The following LANCL1 variants were observed in gnomAD, a reference collection of about 807,000 sequenced individuals.
LANCL1 encodes the protein glutathione S-transferase LANCL1.
LANCL1 carries 50 observed loss-of-function variants against 50.6 expected under a neutral mutation model. The observed-to-expected ratio is 0.99, with a 90% confidence interval of 0.79 to 1.25. The LOEUF (loss-of-function observed/expected upper bound fraction) is 1.25. Ranked by LOEUF, LANCL1 falls within the 50% of genes most tolerant of loss-of-function variation. The pLI is 0.00. For synonymous variants in LANCL1, 188 were observed against 178.6 expected (o/e 1.05, Z -0.42); for missense variants, 532 against 480.7 (o/e 1.11, Z -1.00).
Position 210,455,226 on chromosome 2 carries a change from C to A in LANCL1, c.288G>T (p.Leu96=). Residue 96 remains leucine, a synonymous_variant, in exon 4 of 10, where the codon CTG becomes CTT. Coordinates refer to ENST00000450366, the MANE Select transcript of LANCL1 (RefSeq NM_006055.3). ...QLAHGYVKQS[L]NCLTKRSITF... is the part of the protein sequence containing the mutation. ...TGATGGAGCGCTTGGTTAAGCAGTT[C>A]AGACTTTGCTTTACATAGCCATGTG... The A allele has an allele frequency of 1.2e-6, 2 of 1,612,746 alleles. No homozygotes were observed. Among genetic ancestry groups the A allele is most frequent in the Non-Finnish European group, 1.7e-6 (2 of 1,179,716 alleles).
In LANCL1 at chr2:210,441,369, G is replaced by A; in HGVS notation, c.482C>T (p.Ala161Val). 1 of 1,613,204 alleles carries A rather than the reference G, an allele frequency of 6.2e-7. No individual in the cohort carries two copies. The highest frequency in any genetic ancestry group is 8.5e-7 in the Non-Finnish European group (1 of 1,179,332). ...AAAGTTCTTATTGACAAAAAGAAGA[G>A]CATAGATGTAGCCTATTCGCCCATA... ...MLYGRIGYIYALLFVNKNFGV... is the reference protein window; with the variant it reads ...MLYGRIGYIYVLLFVNKNFGV... The change falls in exon 5 of 10, where the codon GCT becomes GTT. Residue 161 changes from alanine to valine, a missense_variant. Transcript: ENST00000450366.
At chr2:210,445,618 A>G (rs1019818202) in intron 4 of LANCL1, among the ~76,000 whole-genome samples, 6 of 152,302 alleles carry the variant, frequency 3.9e-5, no homozygotes, top group Non-Finnish European at 8.8e-5. Flanking sequence ...ATTAAGATAT[A>G]AAAATAAAGA....
chr2:210,455,402 T>C lies in LANCL1; in HGVS notation c.200-88A>G, dbSNP rs994011481. ...CATGGTGTCTACTCAGCAGCGATTTTTGATAACCTGTAGCAAATTTATTAA... is the reference window on the plus strand; with the variant it reads ...CATGGTGTCTACTCAGCAGCGATTTCTGATAACCTGTAGCAAATTTATTAA... On this transcript the variant is annotated intron_variant, in intron 3 of 9. Coordinates refer to ENST00000450366, the MANE Select transcript of LANCL1 (RefSeq NM_006055.3). 12 of 1,078,010 alleles carry C rather than the reference T, an allele frequency of 1.1e-5. No individual in the cohort carries two copies. In the African/African-American group the frequency reaches 1.1e-4, roughly 10 times the overall value. The allele number at this position is 1,078,010 out of a possible 1,614,324, so 66.8% of individuals were successfully genotyped here.
chr2:210,451,150 T>C (rs1453973049), intron 4 of LANCL1, among the ~76,000 whole-genome samples: 2 of 151,996 alleles, frequency 1.3e-5, no homozygotes, highest in Non-Finnish European at 2.9e-5. Context: ...TATGCAGCCA[T>C]AAAAAAGGAT....
chr2:210,457,601 A>G (rs1337907785), intron 3 of LANCL1, among the ~76,000 whole-genome samples: 1 of 152,166 alleles, frequency 6.6e-6, no homozygotes, highest in African/African-American at 2.4e-5. Context: ...ATCAAAATAT[A>G]TATGTTCTTC....
At chr2:210,441,202 T>G in intron 5 of LANCL1, 106 bp downstream of exon 5, 1 of 1,148,074 alleles carries the variant, frequency 8.7e-7, no homozygotes, top group South Asian at 1.6e-5. Flanking sequence ...AGATACACCT[T>G]CCTTTATATG....
At chr2:210,459,697 C>T (rs1693785115) in intron 3 of LANCL1, among the ~76,000 whole-genome samples, 2 of 151,960 alleles carry the variant, frequency 1.3e-5, no homozygotes, top group Admixed American at 1.3e-4. Flanking sequence ...TGTCAGTTTA[C>T]CCTAAGAATT....
intron 3 of LANCL1, among the ~76,000 whole-genome samples, chr2:210,461,578 G>C (rs1205110790): frequency 6.6e-6 from 1 of 152,158 alleles, no homozygotes; most frequent in African/African-American, 2.4e-5. Context: ...CATTTAGAGT[G>C]CAAGTTAATA....
chr2:210,438,923 G>A (rs1437506570), intron 6 of LANCL1, among the ~76,000 whole-genome samples: 1 of 152,152 alleles, frequency 6.6e-6, no homozygotes, highest in East Asian at 1.9e-4. Context: ...AAGGTGTGGG[G>A]CATGTGGTGG....
intron 6 of LANCL1, among the ~76,000 whole-genome samples, chr2:210,440,099 C>T (rs1693081338): frequency 6.6e-6 from 1 of 152,190 alleles, no homozygotes; most frequent in African/African-American, 2.4e-5. Context: ...AACTGTAGGG[C>T]AGAGCATATT....
At chr2:210,454,524 C>A (rs1021280396) in intron 4 of LANCL1, among the ~76,000 whole-genome samples, 18 of 152,122 alleles carry the variant, frequency 1.2e-4, no homozygotes, top group African/African-American at 4.3e-4. Context: ...CGCAGTGGAG[C>A]CTAAGAGCGA....
rs1310055669 is a variant in LANCL1, at chr2:210,433,207, T to A, written c.*1280A>T. On this transcript the variant is annotated 3_prime_UTR_variant, in exon 10 of 10. Transcript: ENST00000450366. ...CAGGCAAAGGCAGTAATAGAAAGAGTAGAAGCTGATGAGTCAAAACACTTG... is the reference window on the plus strand; with the variant it reads ...CAGGCAAAGGCAGTAATAGAAAGAGAAGAAGCTGATGAGTCAAAACACTTG... The A allele has an allele frequency of 6.6e-6, 1 of 152,098 alleles. No homozygotes were observed. 9.4% of individuals were successfully genotyped at this position (152,098 alleles called of 1,614,324 possible).
chr2:210,467,631 A>G (rs1037679016), intron 3 of LANCL1, among the ~76,000 whole-genome samples: 21 of 152,214 alleles, frequency 1.4e-4, no homozygotes, highest in African/African-American at 4.1e-4. Flanking sequence ...CCTCAACAGC[A>G]AGCTATTAGT....
intron 4 of LANCL1, among the ~76,000 whole-genome samples, chr2:210,444,123 A>C (rs990909148): frequency 6.6e-6 from 1 of 152,204 alleles, no homozygotes; most frequent in Non-Finnish European, 1.5e-5. Flanking sequence ...GAACATACTC[A>C]GAAGGTAGGG....
intron 3 of LANCL1, among the ~76,000 whole-genome samples, chr2:210,465,412 C>G (rs909866737): frequency 1.3e-5 from 2 of 152,256 alleles, no homozygotes; most frequent in African/African-American, 4.8e-5. Flanking sequence ...TATAATGTAA[C>G]CATAGATTGA....
intron 7 of LANCL1, among the ~76,000 whole-genome samples, chr2:210,436,632 T>C (rs1692944782): frequency 6.6e-6 from 1 of 152,176 alleles, no homozygotes; most frequent in African/African-American, 2.4e-5. Flanking sequence ...CATGTGTGTA[T>C]GTTTATGTGG....
intron 8 of LANCL1, 63 bp from the exon 9 acceptor site, chr2:210,435,522 AGAG>A: frequency 8.0e-7 from 1 of 1,248,918 alleles, no homozygotes; most frequent in Non-Finnish European, 1.2e-6. Flanking sequence ...CCAAAAGTTA[AGAG>A]GTTGTCTATA....
rs1694389360 is a variant in LANCL1, at chr2:210,476,635, C to T, written c.-32G>A. 1.2e-5 allele frequency: 15 copies of T among 1,284,990 alleles called. No homozygotes were observed. Among genetic ancestry groups the T allele is most frequent in the Non-Finnish European group, 1.5e-5 (15 of 1,015,096 alleles). The allele number at this position is 1,284,990 out of a possible 1,614,324, so 79.6% of individuals were successfully genotyped here. ...CTTAACCCACCCGGACAAAGAGGCCCCGTTTTGCAACCCCGTTCCCACGCC... is the reference window on the plus strand; with the variant it reads ...CTTAACCCACCCGGACAAAGAGGCCTCGTTTTGCAACCCCGTTCCCACGCC... On this transcript the variant is annotated 5_prime_UTR_variant, in exon 1 of 10. Transcript: ENST00000450366.
chr2:210,476,936 T>G (rs1377941974), upstream of LANCL1, among the ~76,000 whole-genome samples: 1 of 152,182 alleles, frequency 6.6e-6, no homozygotes, highest in African/African-American at 2.4e-5. Context: ...GTGACCAATA[T>G]TTCCTACCCT....
Sources: allele counts gnomAD v4.1 joint callset (sites outside exome capture counted in the v4.1 genomes callset), GRCh38; gene constraint gnomAD v4.1.1; transcripts MANE v1.5; gene names NCBI Gene and HGNC (gene_info 2026-07-23, HGNC 2026-07-21).